Variants in GOLM2 observed in about 807,000 individuals in gnomAD.
GOLM2 encodes golgi membrane protein 2.
Under a neutral mutation model 55.9 loss-of-function variants are expected in GOLM2, and 26 were observed. The ratio of observed to expected loss-of-function variants is 0.47; its 90% CI spans 0.34 to 0.65. The LOEUF (loss-of-function observed/expected upper bound fraction) is 0.65. GOLM2 is among the 30% of genes least tolerant of loss of function. GOLM2 has a pLI of 0.01. For synonymous variants in GOLM2, 165 were observed against 194.6 expected (o/e 0.85, Z 1.27); for missense variants, 486 against 531.8 (o/e 0.91, Z 0.85).
chr15:44,305,697 G>A (rs895340624), intron 1 of GOLM2, among the ~76,000 whole-genome samples: 2 of 152,234 alleles, frequency 1.3e-5, no homozygotes, highest in East Asian at 1.9e-4. Flanking sequence ...ATCATGGTAG[G>A]TATAGCCTTA....
At chr15:44,370,709 T>G (rs2079324002) in intron 6 of GOLM2, among the ~76,000 whole-genome samples, 1 of 152,184 alleles carries the variant, frequency 6.6e-6, no homozygotes. Context: ...TTTTTGTGTA[T>G]GTGTGCAGTG....
At chr15:44,358,503 CAACA>C (rs1251758485) in intron 6 of GOLM2, among the ~76,000 whole-genome samples, 1 of 151,994 alleles carries the variant, frequency 6.6e-6, no homozygotes, top group African/African-American at 2.4e-5. Context: ...TGGTATTGGT[CAACA>C]AACAGAGAAA....
intron 8 of GOLM2, among the ~76,000 whole-genome samples, chr15:44,386,872 A>G (rs1390096893): frequency 2.6e-5 from 4 of 151,444 alleles, no homozygotes; most frequent in Non-Finnish European, 5.9e-5. Flanking sequence ...CCTGTCTCTG[A>G]AAAAATAAAA....
chr15:44,409,443 G>C (rs533350982), intron 9 of GOLM2: 13 of 148,406 alleles, frequency 8.8e-5, no homozygotes, highest in African/African-American at 3.0e-4. Flanking sequence ...AAAAAAATTA[G>C]CTGGGCGTGA....
chr15:44,348,819 T>G (rs2079142149), intron 6 of GOLM2: 1 of 157,772 alleles, frequency 6.3e-6, no homozygotes, highest in Non-Finnish European at 1.4e-5. Context: ...GAAGATCACT[T>G]GAGCCTGGGA....
chr15:44,299,832 G>A (rs796272403), intron 1 of GOLM2, among the ~76,000 whole-genome samples: 3 of 148,780 alleles, frequency 2.0e-5, no homozygotes, highest in African/African-American at 4.9e-5. Context: ...GGGGCTAGGT[G>A]TAGTGGCTCA....
At chr15:44,333,742 C>A (rs1365560451) in intron 4 of GOLM2, among the ~76,000 whole-genome samples, 1 of 150,458 alleles carries the variant, frequency 6.6e-6, no homozygotes, top group African/African-American at 2.4e-5. Flanking sequence ...TTTGAGATGG[C>A]GTCTCACTCT....
At chr15:44,358,185 C>T (rs2079210423) in intron 6 of GOLM2, among the ~76,000 whole-genome samples, 1 of 152,236 alleles carries the variant, frequency 6.6e-6, no homozygotes, top group South Asian at 2.1e-4. Context: ...AAAACCCTGT[C>T]TCTACTGAAA....
At chr15:44,385,458 C>T (rs1340854779) in intron 8 of GOLM2, among the ~76,000 whole-genome samples, 1 of 150,708 alleles carries the variant, frequency 6.6e-6, no homozygotes, top group East Asian at 2.0e-4. Context: ...ATTTGCATTT[C>T]ACTAATGACA....
chr15:44,385,354 C>T (rs1167002924), intron 8 of GOLM2, among the ~76,000 whole-genome samples: 4 of 134,212 alleles, frequency 3.0e-5, no homozygotes, highest in Middle Eastern at 3.6e-3. Flanking sequence ...CTCCCTCCCT[C>T]CCTCCCTTCC....
intron 6 of GOLM2, among the ~76,000 whole-genome samples, chr15:44,343,090 T>C (rs1001169476): frequency 1.3e-5 from 2 of 152,154 alleles, no homozygotes; most frequent in Non-Finnish European, 2.9e-5. Flanking sequence ...TCTCAGCACT[T>C]TGGGAGGCTG....
At chr15:44,356,101 T>C (rs547028973) in intron 6 of GOLM2, among the ~76,000 whole-genome samples, 1 of 152,052 alleles carries the variant, frequency 6.6e-6, no homozygotes, top group South Asian at 2.1e-4. Context: ...GGGAAATGTA[T>C]AGCAGTGAAT....
At chr15:44,401,895 T>A (rs986778071) in intron 8 of GOLM2, among the ~76,000 whole-genome samples, 3 of 150,956 alleles carry the variant, frequency 2.0e-5, no homozygotes, top group Admixed American at 6.6e-5. Context: ...AATGGTGTGA[T>A]CTCGGATCAC....
At chr15:44,338,131 T>C in intron 5 of GOLM2, 106 bp from the exon 6 acceptor site, 1 of 1,098,308 alleles carries the variant, frequency 9.1e-7, no homozygotes, top group Non-Finnish European at 1.3e-6. Context: ...AGATGTTCAG[T>C]TGATGTAGCC....
chr15:44,384,540 T>A (rs2079427945), intron 8 of GOLM2, among the ~76,000 whole-genome samples: 1 of 151,104 alleles, frequency 6.6e-6, no homozygotes, highest in South Asian at 2.1e-4. Flanking sequence ...AGGTCAGGAG[T>A]TTGAGACCAT....
At chr15:44,300,637 C>T (rs1388784526) in intron 1 of GOLM2, among the ~76,000 whole-genome samples, 1 of 152,214 alleles carries the variant, frequency 6.6e-6, no homozygotes, top group Non-Finnish European at 1.5e-5. Flanking sequence ...TAACATCTGT[C>T]TCCTGAAGTG....
At chr15:44,301,216 G>C (rs1027541026) in intron 1 of GOLM2, among the ~76,000 whole-genome samples, 5 of 152,128 alleles carry the variant, frequency 3.3e-5, no homozygotes, top group African/African-American at 1.2e-4. Context: ...AAAGTGCTGG[G>C]ATTACAGGCA....
At chr15:44,296,042 CTCTT>C (rs1480694148) in intron 1 of GOLM2, among the ~76,000 whole-genome samples, 29 of 152,278 alleles carry the variant, frequency 1.9e-4, no homozygotes, top group Admixed American at 4.6e-4. Flanking sequence ...TATTCTCTCT[CTCTT>C]TGTCTTTTAA....
At chr15:44,344,733 G>A (rs1051080312) in intron 6 of GOLM2, among the ~76,000 whole-genome samples, 26 of 151,720 alleles carry the variant, frequency 1.7e-4, no homozygotes, top group Non-Finnish European at 3.1e-4. Context: ...TGCGATTACA[G>A]GCTTGTGCCA....
Sources: gnomAD v4.1 joint callset for allele counts (sites outside exome capture counted in the v4.1 genomes callset) on GRCh38, gnomAD v4.1.1 for gene constraint, MANE v1.5 for transcripts, NCBI Gene and HGNC (gene_info 2026-07-23, HGNC 2026-07-21) for gene names.